The following RAD18 variants were observed in gnomAD, a reference collection of about 807,000 sequenced individuals.
RAD18 encodes the protein E3 ubiquitin-protein ligase RAD18.
RAD18 carries 47 observed loss-of-function variants against 60.4 expected under a neutral mutation model. The ratio of observed to expected loss-of-function variants is 0.78; its 90% CI spans 0.62 to 0.99. The LOEUF (loss-of-function observed/expected upper bound fraction) is 0.99. RAD18 is among the 50% of genes least tolerant of loss of function. The pLI is 0.00. For missense variants in RAD18, 640 were observed against 593.3 expected, an observed-to-expected ratio of 1.08 and a Z score of -0.82; for synonymous variants, 225 against 195.5, an observed-to-expected ratio of 1.15 and a Z score of -1.26.
rs753784650 is a variant in RAD18 at position 8,926,389 on chromosome 3, T to C, written c.889+9482A>G. ...CCTCTTCAAGGAGAACTACAAACCA[T>C]TGCTCAATGAAATAAAACAGGATAC... On this transcript the variant is annotated intron_variant, in intron 7 of 12. Transcript: ENST00000264926. Among the ~76,000 whole-genome samples the C allele has an allele frequency of 3.8e-3, 578 of 152,222 alleles. 1 individual carries two copies. Among genetic ancestry groups the C allele is most frequent in the Non-Finnish European group, 6.4e-3 (434 of 68,006 alleles).
rs1939419282 is a variant in RAD18 at position 8,879,418 on chromosome 3, A to C, written c.*1939T>G. On this transcript the variant is annotated 3_prime_UTR_variant, in exon 13 of 13. Transcript: ENST00000264926. ...TGTGCACACAGAGAAAAGACCATGC[A>C]AGGACACCATGAGTGGAAGCCAAGG... 1 of 152,356 alleles carries C rather than the reference A, an allele frequency of 6.6e-6. No individual in the cohort carries two copies. The highest frequency in any genetic ancestry group is 1.9e-4 in the East Asian group (1 of 5,196). 9.4% of individuals were successfully genotyped at this position (152,356 alleles called of 1,614,324 possible). A position where few individuals can be genotyped will look rare whatever the true frequency, so the allele number is the denominator to read the frequency against.
At chr3:8,889,315 T>C (rs937669998) in intron 12 of RAD18, among the ~76,000 whole-genome samples, 1 of 152,176 alleles carries the variant, frequency 6.6e-6, no homozygotes, top group African/African-American at 2.4e-5. Context: ...ACTTACCCCT[T>C]TGAGCCTCAG....
chr3:8,895,837 A>G (rs774044260), intron 11 of RAD18, among the ~76,000 whole-genome samples: 3 of 152,238 alleles, frequency 2.0e-5, no homozygotes, highest in Non-Finnish European at 2.9e-5. Context: ...CCAAACAAAT[A>G]TAAGTATTCC....
chr3:8,962,642 G>C (rs1408003132), intron 1 of RAD18, among the ~76,000 whole-genome samples: 3 of 152,224 alleles, frequency 2.0e-5, no homozygotes, highest in Admixed American at 2.0e-4. Context: ...CTGCTCTTGA[G>C]CAAATCCAGG....
rs1475875177 is a variant in RAD18, at chr3:8,879,584, G to A, written c.*1773C>T. ...TGGCAAACTAATCCATGAGGGTTGG[G>A]TGTTTAGCCTCATCCCTGGCCTCCA... On this transcript the variant is annotated 3_prime_UTR_variant, in exon 13 of 13. Coordinates refer to ENST00000264926, the MANE Select transcript of RAD18 (RefSeq NM_020165.4). 6.6e-6 allele frequency: 1 copy of A among 152,170 alleles called. No homozygotes were observed. The highest frequency in any genetic ancestry group is 1.5e-5 in the Non-Finnish European group (1 of 68,066). The allele number at this position is 152,170 out of a possible 1,614,324, so 9.4% of individuals were successfully genotyped here.
chr3:8,920,875 T>C (rs539469225), intron 7 of RAD18, among the ~76,000 whole-genome samples: 1 of 152,190 alleles, frequency 6.6e-6, no homozygotes. Flanking sequence ...AACTGGATCA[T>C]GTACTGCAGG....
chr3:8,897,718 G>C (rs187162875), intron 11 of RAD18, among the ~76,000 whole-genome samples: 54 of 152,260 alleles, frequency 3.5e-4, no homozygotes, highest in Non-Finnish European at 6.2e-4. Context: ...CTGATAGGTA[G>C]GCATTTTAAA....
intron 2 of RAD18, among the ~76,000 whole-genome samples, chr3:8,949,529 G>A (rs975864982): frequency 2.0e-5 from 3 of 152,144 alleles, no homozygotes; most frequent in Non-Finnish European, 2.9e-5. Context: ...ACAGGGGACC[G>A]ATTCAGCATG....
chr3:8,882,018 A>G (rs1939471801), intron 12 of RAD18, among the ~76,000 whole-genome samples: 3 of 152,080 alleles, frequency 2.0e-5, no homozygotes, highest in Admixed American at 6.5e-5. Context: ...ACACAAGGAG[A>G]GTCTGCACAC....
intron 4 of RAD18, among the ~76,000 whole-genome samples, chr3:8,943,012 C>T (rs1389724196): frequency 6.6e-6 from 1 of 152,190 alleles, no homozygotes; most frequent in East Asian, 1.9e-4. Context: ...AAATGGACCA[C>T]ACTGAAGAAA....
At chr3:8,920,902 G>C (rs1940307546) in intron 7 of RAD18, among the ~76,000 whole-genome samples, 1 of 152,112 alleles carries the variant, frequency 6.6e-6, no homozygotes, top group African/African-American at 2.4e-5. Flanking sequence ...AATCTACAAA[G>C]GTTATTATTG....
chr3:8,960,538 C>T lies in RAD18; in HGVS notation c.52-1537G>A, dbSNP rs2124849135. Among the ~76,000 whole-genome samples the T allele has an allele frequency of 1.3e-5, 2 of 152,160 alleles. 1 individual carries two copies. Among genetic ancestry groups the T allele is most frequent in the South Asian group, 4.1e-4 (2 of 4,826 alleles). On this transcript the variant is annotated intron_variant, in intron 1 of 12. Coordinates refer to ENST00000264926, the MANE Select transcript of RAD18 (RefSeq NM_020165.4). The stretch of plus-strand genomic sequence containing the variant: ...GTCCATATGATGAAATATTATGCAG[C>T]CATTAAAAAACATGCTTTCAAAGAA...
chr3:8,917,142 G>C (rs998176639), intron 7 of RAD18, among the ~76,000 whole-genome samples: 1 of 152,084 alleles, frequency 6.6e-6, no homozygotes, highest in African/African-American at 2.4e-5. Context: ...AATTATTCAA[G>C]CCAGATAACA....
intron 9 of RAD18, among the ~76,000 whole-genome samples, chr3:8,904,231 T>C (rs940764488): frequency 2.0e-5 from 3 of 152,212 alleles, no homozygotes; most frequent in Non-Finnish European, 4.4e-5. Flanking sequence ...ACTAATGAGT[T>C]TAAATCTTTA....
intron 9 of RAD18, among the ~76,000 whole-genome samples, chr3:8,910,172 C>T (rs112124709): frequency 6.6e-6 from 1 of 152,206 alleles, no homozygotes; most frequent in African/African-American, 2.4e-5. Flanking sequence ...CTAGGAGAGA[C>T]GTTCTTGAGA....
At chr3:8,915,160 A>AAAAAAAAAG (rs1940177677) in intron 7 of RAD18, among the ~76,000 whole-genome samples, 1 of 151,232 alleles carries the variant, frequency 6.6e-6, no homozygotes, top group African/African-American at 2.4e-5. Flanking sequence ...AAAAAAAAAA[A>AAAAAAAAAG]AAAAGAAAAC....
chr3:8,912,990 A>C (rs983406869), intron 8 of RAD18, among the ~76,000 whole-genome samples: 1 of 152,004 alleles, frequency 6.6e-6, no homozygotes, highest in Admixed American at 6.6e-5. Context: ...TTACTTTCTT[A>C]AGGTAACCAT....
At chr3:8,957,733 G>T (rs1941036053) in intron 2 of RAD18, among the ~76,000 whole-genome samples, 1 of 152,154 alleles carries the variant, frequency 6.6e-6, no homozygotes, top group South Asian at 2.1e-4. Context: ...GAATAGAAGA[G>T]TCCAGAAATA....
intron 9 of RAD18, among the ~76,000 whole-genome samples, chr3:8,905,371 C>T (rs960217016): frequency 3.3e-5 from 5 of 152,186 alleles, no homozygotes; most frequent in Non-Finnish European, 7.3e-5. Flanking sequence ...TTTAGACCAG[C>T]CCTTACAGTC....
Sources: gnomAD v4.1 joint callset for allele counts (sites outside exome capture counted in the v4.1 genomes callset) on GRCh38, gnomAD v4.1.1 for gene constraint, MANE v1.5 for transcripts, NCBI Gene and HGNC (gene_info 2026-07-23, HGNC 2026-07-21) for gene names.